DOCK3: variants seen among roughly 807,000 people sequenced by gnomAD.
The protein encoded by DOCK3 is dedicator of cytokinesis 3, also known as dedicator of cytokinesis protein 3.
A neutral mutation model predicts 265.6 loss-of-function variants in DOCK3; 60 were observed. The ratio of observed to expected loss-of-function variants is 0.23; its 90% confidence interval spans 0.18 to 0.28. DOCK3 has a LOEUF of 0.28. Among genes scored for constraint, DOCK3 ranks in the 10% least tolerant of loss-of-function variants. DOCK3 has a pLI of 1.00. For missense variants in DOCK3, 1,981 were observed against 2,594.3 expected, an observed-to-expected ratio of 0.76 and a Z score of 5.14; for synonymous variants, 881 against 938.0, an observed-to-expected ratio of 0.94 and a Z score of 1.11.
At chr3:50,978,176 A>G (rs1034814122) in intron 5 of DOCK3, among the ~76,000 whole-genome samples, 3 of 150,354 alleles carry the variant, frequency 2.0e-5, no homozygotes, top group African/African-American at 4.9e-5. Context: ...ACTTTGTTCC[A>G]TTGCTGGTGA....
At chr3:51,154,033 A>G (rs190314927) in intron 10 of DOCK3, among the ~76,000 whole-genome samples, 74 of 152,352 alleles carry the variant, frequency 4.9e-4, no homozygotes, top group African/African-American at 1.7e-3. Flanking sequence ...TGGGACAGAT[A>G]TCGCAAAGAT....
chr3:50,726,681 A>G (rs1414638698), intron 1 of DOCK3, among the ~76,000 whole-genome samples: 2 of 152,208 alleles, frequency 1.3e-5, no homozygotes, highest in Non-Finnish European at 2.9e-5. Context: ...AAGCCAATGG[A>G]AAAGAGACTT....
chr3:51,367,684 T>A (rs1353365540), intron 49 of DOCK3, among the ~76,000 whole-genome samples: 1 of 152,218 alleles, frequency 6.6e-6, no homozygotes. Context: ...AAGGTAGGCC[T>A]GGTGGTGACA....
chr3:50,779,955 T>C (rs1210671545), intron 2 of DOCK3, among the ~76,000 whole-genome samples: 1 of 152,122 alleles, frequency 6.6e-6, no homozygotes, highest in African/African-American at 2.4e-5. Flanking sequence ...AGTAGAACTG[T>C]TGCAGTGTGG....
At chr3:51,057,416 AT>A (rs1422906721) in intron 5 of DOCK3, among the ~76,000 whole-genome samples, 2 of 152,214 alleles carry the variant, frequency 1.3e-5, no homozygotes, top group Non-Finnish European at 2.9e-5. Flanking sequence ...CTTCTGCCCA[AT>A]CTCCTCCTCA....
chr3:51,251,226 C>T (rs1226018595), intron 22 of DOCK3, among the ~76,000 whole-genome samples: 1 of 152,198 alleles, frequency 6.6e-6, no homozygotes, highest in Non-Finnish European at 1.5e-5. Context: ...GCATAGTATT[C>T]CATGGTGTAT....
rs769857959 is a variant in DOCK3, at chr3:51,362,544, C to A, written c.5163C>A (p.Pro1721=). Residue 1721 remains proline, a synonymous_variant, in exon 49 of 53, where the codon CCC becomes CCA. Transcript: ENST00000266037. ...CTTTGCAGCTCGCGTATCCCAACCCCAGGTACCAAGGCTCAGTCACCAACG... is the reference window on the plus strand; with the variant it reads ...CTTTGCAGCTCGCGTATCCCAACCCAAGGTACCAAGGCTCAGTCACCAACG... ...YHHMQLAYPN[P]RYQGSVTNVS... is the part of the protein sequence containing the mutation. 1 of 1,614,034 alleles carries A rather than the reference C, an allele frequency of 6.2e-7. No individual in the cohort carries two copies. Among genetic ancestry groups the A allele is most frequent in the Non-Finnish European group, 8.5e-7 (1 of 1,179,902 alleles).
intron 5 of DOCK3, among the ~76,000 whole-genome samples, chr3:51,038,508 A>G (rs774486591): frequency 1.5e-4 from 23 of 152,204 alleles, no homozygotes; most frequent in Non-Finnish European, 2.8e-4. Flanking sequence ...TGACTTCTTT[A>G]TAAACATTTA....
chr3:50,689,218 G>A (rs2035044495), intron 1 of DOCK3, among the ~76,000 whole-genome samples: 1 of 152,184 alleles, frequency 6.6e-6, no homozygotes, highest in Non-Finnish European at 1.5e-5. Context: ...CCCAGTACCA[G>A]CATCATTGCC....
rs145579327 is a variant in DOCK3 at position 51,114,895 on chromosome 3, C to T, written c.746+24511C>T. Among the ~76,000 whole-genome samples, 1,158 of 151,274 alleles carry T rather than the reference C, an allele frequency of 7.7e-3. 18 individuals are homozygous for T. The highest frequency in any genetic ancestry group is 0.027 in the African/African-American group (1,111 of 41,188). ...TTCAGCTCCCACTTACGAGTGAGAA[C>T]GTGCGGTGTTTGGTTTTCTGTTCCT... On this transcript the variant is annotated intron_variant, in intron 9 of 52. Coordinates refer to ENST00000266037, the MANE Select transcript of DOCK3 (RefSeq NM_004947.5).
chr3:50,708,715 C>T (rs376023263), intron 1 of DOCK3, among the ~76,000 whole-genome samples: 5 of 152,180 alleles, frequency 3.3e-5, no homozygotes, highest in East Asian at 3.8e-4. Context: ...GCAGTGGGAA[C>T]GTCTATCACT....
At chr3:50,801,769 A>G (rs1042267324) in intron 2 of DOCK3, among the ~76,000 whole-genome samples, 3 of 152,186 alleles carry the variant, frequency 2.0e-5, no homozygotes, top group Non-Finnish European at 4.4e-5. Context: ...TTCTGTCAAG[A>G]TGATCTGTCC....
At chr3:51,188,561 A>G (rs1404896408) in intron 12 of DOCK3, among the ~76,000 whole-genome samples, 1 of 152,092 alleles carries the variant, frequency 6.6e-6, no homozygotes, top group Non-Finnish European at 1.5e-5. Flanking sequence ...GTATCCTTTA[A>G]TCCAGTTGTC....
rs1343801946 is a variant in DOCK3 at position 50,799,533 on chromosome 3, AT to A, written c.121+20776del. On this transcript the variant is annotated intron_variant, in intron 2 of 52. Transcript: ENST00000266037. Reference sequence around the variant, plus strand: ...CCTCCATTGTTCCTGTATAGAAGTGATACTGATTTTTGTTCATTAATTTTAT... The same window carrying A: ...CCTCCATTGTTCCTGTATAGAAGTGAACTGATTTTTGTTCATTAATTTTAT... Among the ~76,000 whole-genome samples the A allele has an allele frequency of 4.6e-4, 70 of 152,180 alleles. 1 individual carries two copies. The highest frequency in any genetic ancestry group is 1.4e-3 in the African/African-American group (60 of 41,516).
In DOCK3 at chr3:51,362,652, C is replaced by G. The variant is rs1269220770; in HGVS notation, c.5271C>G (p.Thr1757=). The change falls in exon 49 of 53, where the codon ACC becomes ACG. Residue 1757 remains threonine, a synonymous_variant. Coordinates refer to ENST00000266037, the MANE Select transcript of DOCK3 (RefSeq NM_004947.5). ...ACTCAGCACCATCCCAGATGATTAC[C>G]TCTGCCCCTTCCAGTGCCCGAGGTA... ...STHSAPSQMI[T]SAPSSARGSP... 5.6e-6 allele frequency: 9 copies of G among 1,613,854 alleles called. No homozygotes were observed. In the East Asian group the frequency reaches 1.3e-4, roughly 24 times the overall value.
intron 1 of DOCK3, among the ~76,000 whole-genome samples, chr3:50,748,128 G>A (rs1047745598): frequency 2.6e-5 from 4 of 152,052 alleles, no homozygotes; most frequent in Non-Finnish European, 4.4e-5. Context: ...GGCTACAGCC[G>A]TCAGTACAGT....
At chr3:51,182,757 G>A (rs2087376767) in intron 12 of DOCK3, among the ~76,000 whole-genome samples, 2 of 152,244 alleles carry the variant, frequency 1.3e-5, no homozygotes, top group South Asian at 4.1e-4. Context: ...TTGTGATAAT[G>A]TTTCTCCTGC....
intron 3 of DOCK3, among the ~76,000 whole-genome samples, chr3:50,850,831 AGATG>A (rs2046326170): frequency 6.6e-6 from 1 of 152,222 alleles, no homozygotes; most frequent in African/African-American, 2.4e-5. Flanking sequence ...ACAAGCCAAT[AGATG>A]GCACTTATAG....
chr3:51,026,724 T>G (rs2079841051), intron 5 of DOCK3, among the ~76,000 whole-genome samples: 1 of 152,092 alleles, frequency 6.6e-6, no homozygotes, highest in African/African-American at 2.4e-5. Flanking sequence ...TGCTGTGTGT[T>G]TACAGGAATT....
Sources: allele counts gnomAD v4.1 joint callset (sites outside exome capture counted in the v4.1 genomes callset), GRCh38; gene constraint gnomAD v4.1.1; transcripts MANE v1.5; gene names NCBI Gene and HGNC (gene_info 2026-07-23, HGNC 2026-07-21).